Variants in FBXL17 observed in about 807,000 individuals in gnomAD.
The protein encoded by FBXL17 is F-box/LRR-repeat protein 17.
In FBXL17, 22 loss-of-function variants were observed where a neutral mutation model predicts 66.2. The observed-to-expected ratio is 0.33, with a 90% CI of 0.24 to 0.47. The LOEUF (loss-of-function observed/expected upper bound fraction) is 0.47, where lower values mean the gene tolerates loss of function less well. FBXL17 is among the 20% of genes least tolerant of loss of function. The pLI, the probability that FBXL17 is intolerant of heterozygous loss-of-function variation, is 1.00. For missense variants in FBXL17, 878 were observed against 948.2 expected (o/e 0.93, Z 0.97); for synonymous variants, 474 against 400.5 (o/e 1.18, Z -2.19).
intron 3 of FBXL17, among the ~76,000 whole-genome samples, chr5:108,352,938 G>A (rs1747744200): frequency 4.6e-5 from 7 of 152,108 alleles, no homozygotes. Flanking sequence ...CCAAAAAGAT[G>A]GTACCTTGGG....
At chr5:107,906,948 T>C (rs1016901371) in intron 7 of FBXL17, among the ~76,000 whole-genome samples, 3 of 152,206 alleles carry the variant, frequency 2.0e-5, no homozygotes, top group Non-Finnish European at 4.4e-5. Flanking sequence ...CCATTCCGCA[T>C]GGCAAGTAAT....
intron 6 of FBXL17, among the ~76,000 whole-genome samples, chr5:108,116,984 A>G (rs1750283898): frequency 6.6e-6 from 1 of 152,150 alleles, no homozygotes; most frequent in Admixed American, 6.5e-5. Flanking sequence ...TGGATATTTC[A>G]TTTGTTATTT....
At chr5:108,236,608 G>A (rs1755615204) in intron 4 of FBXL17, among the ~76,000 whole-genome samples, 1 of 151,882 alleles carries the variant, frequency 6.6e-6, no homozygotes, top group African/African-American at 2.4e-5. Context: ...TGACAATGTG[G>A]AAGAATTACC....
intron 7 of FBXL17, among the ~76,000 whole-genome samples, chr5:107,999,506 T>G (rs1459028860): frequency 6.7e-6 from 1 of 148,282 alleles, no homozygotes; most frequent in African/African-American, 2.5e-5. Flanking sequence ...ATACAAATTT[T>G]TAAAGTCAAA....
intron 6 of FBXL17, among the ~76,000 whole-genome samples, chr5:108,119,476 G>C (rs1223703130): frequency 6.6e-6 from 1 of 152,186 alleles, no homozygotes; most frequent in Non-Finnish European, 1.5e-5. Context: ...GTTGGAAGCA[G>C]CATAATAGGG....
At chr5:108,142,238 A>G (rs1385840480) in intron 6 of FBXL17, among the ~76,000 whole-genome samples, 1 of 152,220 alleles carries the variant, frequency 6.6e-6, no homozygotes, top group Non-Finnish European at 1.5e-5. Context: ...AGAAACTATA[A>G]GAGGCTCCAC....
intron 6 of FBXL17, among the ~76,000 whole-genome samples, chr5:108,096,204 A>G (rs898748330): frequency 3.9e-5 from 6 of 152,214 alleles, no homozygotes; most frequent in African/African-American, 1.2e-4. Context: ...CAATTTATTT[A>G]GGCATGAAGA....
At chr5:108,220,644 CT>C (rs1339529688) in intron 5 of FBXL17, among the ~76,000 whole-genome samples, 1 of 152,038 alleles carries the variant, frequency 6.6e-6, no homozygotes, top group Non-Finnish European at 1.5e-5. Flanking sequence ...CAGAATCTTC[CT>C]TTTCAATGCT....
intron 6 of FBXL17, among the ~76,000 whole-genome samples, chr5:108,052,034 A>T (rs1366700107): frequency 6.7e-6 from 1 of 149,174 alleles, no homozygotes; most frequent in African/African-American, 2.5e-5. Flanking sequence ...AATGGCGTGA[A>T]CCTGGGAGGC....
intron 7 of FBXL17, among the ~76,000 whole-genome samples, chr5:107,902,615 A>C (rs1198197177): frequency 1.3e-5 from 2 of 152,152 alleles, no homozygotes; most frequent in African/African-American, 2.4e-5. Flanking sequence ...TGGGTATCTC[A>C]GAGGCTGTTC....
chr5:108,355,619 T>G (rs2112518730), intron 3 of FBXL17, among the ~76,000 whole-genome samples: 1 of 152,272 alleles, frequency 6.6e-6, no homozygotes, highest in African/African-American at 2.4e-5. Context: ...ATAAGATATT[T>G]TCACTACCTG....
chr5:107,988,887 C>A (rs1004525263), intron 7 of FBXL17, among the ~76,000 whole-genome samples: 1 of 152,002 alleles, frequency 6.6e-6, no homozygotes, highest in Admixed American at 6.6e-5. Context: ...GAATCTTGTA[C>A]AAAGAAGCCA....
intron 5 of FBXL17, among the ~76,000 whole-genome samples, chr5:108,203,270 A>C (rs1753975851): frequency 6.6e-6 from 1 of 152,038 alleles, no homozygotes; most frequent in Admixed American, 6.6e-5. Flanking sequence ...AGATGGTATT[A>C]CTATCCTTCT....
chr5:107,912,606 T>TA (rs1749987554), intron 7 of FBXL17, among the ~76,000 whole-genome samples: 1 of 152,058 alleles, frequency 6.6e-6, no homozygotes, highest in African/African-American at 2.4e-5. Flanking sequence ...AAAAACAAAA[T>TA]ACGATAAATT....
chr5:108,129,153 A>G (rs115521543), intron 6 of FBXL17, among the ~76,000 whole-genome samples: 1,624 of 152,234 alleles, frequency 0.011, 40 homozygotes, highest in African/African-American at 0.037. Flanking sequence ...CAATCAATCT[A>G]CTGTTATTGC....
intron 7 of FBXL17, among the ~76,000 whole-genome samples, chr5:107,994,533 T>C (rs1269414700): frequency 6.6e-6 from 1 of 152,022 alleles, no homozygotes; most frequent in Non-Finnish European, 1.5e-5. Flanking sequence ...TAAAGGGCAA[T>C]AAACATACTA....
At chr5:107,889,554 G>A (rs562669386) in intron 7 of FBXL17, among the ~76,000 whole-genome samples, 7 of 152,156 alleles carry the variant, frequency 4.6e-5, no homozygotes, top group South Asian at 4.1e-4. Flanking sequence ...ATTCAGAAGA[G>A]CAACACGTAG....
rs577125168 is a variant in FBXL17, at chr5:108,007,228, C to T, written c.1822+13697G>A. On this transcript the variant is annotated intron_variant, in intron 7 of 8. Transcript: ENST00000542267. ...ATTTAGGCCCTGGAGTCCATCTTTT[C>T]TGTAGTAGTTGGGAATTGAGTATGT... Among the ~76,000 whole-genome samples, 4 of 152,280 alleles carry T rather than the reference C, an allele frequency of 2.6e-5. No individual in the cohort carries two copies. In the South Asian group the frequency reaches 6.2e-4, roughly 24 times the overall value.
intron 7 of FBXL17, among the ~76,000 whole-genome samples, chr5:107,981,741 A>G (rs1752839436): frequency 6.6e-6 from 1 of 152,208 alleles, no homozygotes; most frequent in Admixed American, 6.5e-5. Flanking sequence ...TCTCCTTGAT[A>G]TTCTTGCCAG....
Sources: gnomAD v4.1 joint callset for allele counts (sites outside exome capture counted in the v4.1 genomes callset) on GRCh38, gnomAD v4.1.1 for gene constraint, MANE v1.5 for transcripts, NCBI Gene and HGNC (gene_info 2026-07-23, HGNC 2026-07-21) for gene names.